DZANK1: variants seen among roughly 807,000 people sequenced by gnomAD.
DZANK1 encodes double zinc ribbon and ankyrin repeat domains 1, also known as double zinc ribbon and ankyrin repeat-containing protein 1.
Under a neutral mutation model 94.5 loss-of-function variants are expected in DZANK1, and 91 were observed. That is an observed-to-expected ratio of 0.96 (90% CI 0.81 to 1.15). The LOEUF (loss-of-function observed/expected upper bound fraction) is 1.15. Among genes scored for constraint, DZANK1 ranks in the 50% most tolerant of loss-of-function variants. The pLI, the probability that DZANK1 is intolerant of heterozygous loss-of-function variation, is 0.00. For synonymous variants in DZANK1, 312 were observed against 325.3 expected (o/e 0.96, Z 0.44); for missense variants, 903 against 916.4 (o/e 0.99, Z 0.19).
Position 18,415,309 on chromosome 20 carries a change from C to CA in DZANK1, c.1077+17dup. The CA allele has an allele frequency of 6.6e-7, 1 of 1,517,832 alleles. No individual in the cohort carries two copies. The highest frequency in any genetic ancestry group is 1.3e-5 in the South Asian group (1 of 77,616). 94.0% of individuals were successfully genotyped at this position (1,517,832 alleles called of 1,614,324 possible). A position where few individuals can be genotyped will look rare whatever the true frequency, so the allele number is the denominator to read the frequency against. On this transcript the variant is annotated intron_variant, in intron 11 of 20. Transcript: ENST00000262547. The stretch of plus-strand genomic sequence containing the variant: ...GTGAGGTGCTCAGTATACAGAATCT[C>CA]AGTTTTAAAATACCCACCATGGCTC...
Position 18,396,469 on chromosome 20 carries a change from C to T in DZANK1, c.1611+3G>A, listed in dbSNP as rs747572189. On this transcript the variant is annotated splice_donor_region_variant and intron_variant, in intron 15 of 20. Coordinates refer to ENST00000262547, the Ensembl canonical transcript of DZANK1. The stretch of plus-strand genomic sequence containing the variant: ...AATGAATAACTTCTGGAGGCTTACT[C>T]ACCTTGTTTGAGACTTGACTATAAT... 8 of 1,610,538 alleles carry T rather than the reference C, an allele frequency of 5.0e-6. No individual in the cohort carries two copies. In the African/African-American group the frequency reaches 9.4e-5, roughly 19 times the overall value.
intron 13 of DZANK1, among the ~76,000 whole-genome samples, chr20:18,404,598 G>C (rs1257988716): frequency 1.3e-5 from 2 of 152,138 alleles, no homozygotes; most frequent in Non-Finnish European, 2.9e-5. Context: ...AAAAAATCAT[G>C]AGACATGCAA....
At chr20:18,446,612 A>AT in intron 7 of DZANK1, among the ~76,000 whole-genome samples, 1 of 152,316 alleles carries the variant, frequency 6.6e-6, no homozygotes, top group Admixed American at 6.5e-5. Context: ...TAAACCTAAA[A>AT]TGTACTCCAA....
chr20:18,451,156 G>A lies in DZANK1; in HGVS notation c.543+1459C>T, dbSNP rs150175834. 2.5e-3 allele frequency among the ~76,000 whole-genome samples: 387 copies of A among 152,266 alleles called. 6 individuals are homozygous for A. Among genetic ancestry groups the A allele is most frequent in the Admixed American group, 0.021 (327 of 15,282 alleles). On this transcript the variant is annotated intron_variant, in intron 6 of 20. Transcript: ENST00000262547. ...AGACGGGGTTTCACCATATTGGCCAGGCTGGTCTCGAACTCCTGACCTCAT... is the reference window on the plus strand; with the variant it reads ...AGACGGGGTTTCACCATATTGGCCAAGCTGGTCTCGAACTCCTGACCTCAT...
intron 2 of DZANK1, among the ~76,000 whole-genome samples, chr20:18,463,074 A>G (rs1355395063): frequency 6.6e-6 from 1 of 152,236 alleles, no homozygotes; most frequent in Admixed American, 6.5e-5. Flanking sequence ...TGTTCCTTAC[A>G]GCACTATTCA....
chr20:18,465,300 C>G (rs372259871), exon 2 of DZANK1: 9 of 1,611,116 alleles, frequency 5.6e-6, no homozygotes, highest in Admixed American at 1.7e-5. Context: ...GTTAGCTTTT[C>G]CAGGCTGAGG....
exon 14 of DZANK1, chr20:18,398,610 C>A (rs1402020036): frequency 6.2e-7 from 1 of 1,613,994 alleles, no homozygotes; most frequent in East Asian, 2.2e-5. Context: ...TGTGATCCAG[C>A]TGTCTTCTCC....
intron 13 of DZANK1, among the ~76,000 whole-genome samples, chr20:18,407,827 AAAAG>A (rs2057036822): frequency 6.6e-6 from 1 of 152,240 alleles, no homozygotes; most frequent in Non-Finnish European, 1.5e-5. Flanking sequence ...CTGATTAAGC[AAAAG>A]AAAGAATTAA....
intron 10 of DZANK1, among the ~76,000 whole-genome samples, chr20:18,425,750 A>G (rs533346890): frequency 4.3e-4 from 66 of 152,246 alleles, no homozygotes; most frequent in African/African-American, 1.5e-3. Flanking sequence ...TGTCCTTATG[A>G]AAAAGGGAAA....
At chr20:18,408,817 C>T (rs929321730) in intron 13 of DZANK1, among the ~76,000 whole-genome samples, 40 of 151,892 alleles carry the variant, frequency 2.6e-4, no homozygotes, top group Admixed American at 2.2e-3. Context: ...AGAAATTATC[C>T]GAAGGTCCAA....
At chr20:18,419,557 C>T (rs1055241067) in intron 10 of DZANK1, among the ~76,000 whole-genome samples, 1 of 152,022 alleles carries the variant, frequency 6.6e-6, no homozygotes, top group African/African-American at 2.4e-5. Flanking sequence ...TGACACATCC[C>T]GTACATGAAA....
At chr20:18,460,158 G>T in exon 3 of DZANK1, 2 of 1,530,226 alleles carry the variant, frequency 1.3e-6, no homozygotes, top group African/African-American at 1.4e-5. Context: ...CTTACTTAGA[G>T]ACAGCAATAG....
chr20:18,450,341 A>G (rs2059056238), intron 6 of DZANK1, among the ~76,000 whole-genome samples: 1 of 152,120 alleles, frequency 6.6e-6, no homozygotes, highest in South Asian at 2.1e-4. Flanking sequence ...GCTTGAGGCC[A>G]GGAGTTCAAA....
At chr20:18,412,740 T>C (rs1483775233) in exon 13 of DZANK1, 1 of 1,613,848 alleles carries the variant, frequency 6.2e-7, no homozygotes, top group East Asian at 2.2e-5. Flanking sequence ...CCTTTTTTGC[T>C]AGCAGCTTGC....
chr20:18,387,083 A>G (rs553089200), intron 19 of DZANK1, among the ~76,000 whole-genome samples: 76 of 152,322 alleles, frequency 5.0e-4, no homozygotes, highest in Admixed American at 3.8e-3. Flanking sequence ...CTGGTGGCAT[A>G]GAGCTTAACT....
intron 12 of DZANK1, among the ~76,000 whole-genome samples, chr20:18,413,443 G>A (rs1285099413): frequency 6.6e-6 from 1 of 152,176 alleles, no homozygotes; most frequent in East Asian, 1.9e-4. Context: ...AAAGGAATAA[G>A]GGCTAGTGGC....
In DZANK1 at chr20:18,415,398, T is replaced by TC. The variant is rs775441744; in HGVS notation, c.1005dup (p.Thr336AspfsTer36). ...CGACCACATCTGTAGCAGGAAATGG[T>TC]CCCCCCTTTCTGAGTGGGCGGAGGA... On this transcript the variant is annotated frameshift_variant, in exon 11 of 21. Coordinates refer to ENST00000262547, the Ensembl canonical transcript of DZANK1. LOFTEE classifies it high-confidence loss of function. 3.8e-6 allele frequency: 6 copies of TC among 1,591,740 alleles called. No homozygotes were observed. The African/African-American group carries it at 8.1e-5, about 22-fold the overall frequency.
intron 19 of DZANK1, among the ~76,000 whole-genome samples, chr20:18,385,484 C>T (rs1387762375): frequency 3.3e-5 from 5 of 150,756 alleles, no homozygotes; most frequent in South Asian, 4.2e-4. Context: ...GGTGTGATCT[C>T]GGCTCACTGC....
intron 6 of DZANK1, among the ~76,000 whole-genome samples, chr20:18,450,784 C>G (rs1481095069): frequency 2.0e-5 from 3 of 152,148 alleles, no homozygotes; most frequent in African/African-American, 4.8e-5. Flanking sequence ...ATAGGAGGAA[C>G]AGAACAAGGG....
Sources: gnomAD v4.1 joint callset for allele counts (sites outside exome capture counted in the v4.1 genomes callset) on GRCh38, gnomAD v4.1.1 for gene constraint, MANE v1.5 for transcripts, NCBI Gene and HGNC (gene_info 2026-07-23, HGNC 2026-07-21) for gene names.